The following MDGA2 variants were observed in gnomAD, a reference collection of about 807,000 sequenced individuals.
The protein encoded by MDGA2 is MAM domain-containing glycosylphosphatidylinositol anchor protein 2.
In MDGA2, 40 loss-of-function variants were observed where a neutral mutation model predicts 117.8. The observed-to-expected ratio is 0.34, with a 90% CI of 0.26 to 0.44. The LOEUF (loss-of-function observed/expected upper bound fraction) is 0.44. Ranked by LOEUF, MDGA2 falls within the 20% of genes least tolerant of loss-of-function variation. The probability of loss-of-function intolerance (pLI) is 1.00; values close to 1 mark genes in which losing one functional copy is unlikely to be tolerated. For synonymous variants in MDGA2, 452 were observed against 439.0 expected (o/e 1.03, Z -0.37); for missense variants, 1,123 against 1,250.6 (o/e 0.90, Z 1.54).
intron 2 of MDGA2, among the ~76,000 whole-genome samples, chr14:47,226,946 T>C (rs183172383): frequency 2.0e-3 from 309 of 152,298 alleles, no homozygotes; most frequent in African/African-American, 7.0e-3. Flanking sequence ...CTTCATTTAG[T>C]ATCTAGTTAA....
intron 3 of MDGA2, among the ~76,000 whole-genome samples, chr14:47,214,285 T>A (rs956158090): frequency 3.3e-5 from 5 of 152,218 alleles, no homozygotes; most frequent in Admixed American, 3.3e-4. Context: ...CAGAAATATT[T>A]GCATAAATAA....
At chr14:47,279,245 T>G (rs1383279271) in intron 2 of MDGA2, among the ~76,000 whole-genome samples, 7 of 152,172 alleles carry the variant, frequency 4.6e-5, no homozygotes, top group African/African-American at 1.7e-4. Flanking sequence ...ATAGAGTATA[T>G]TATCAATTAC....
chr14:46,968,972 T>A (rs948358560), intron 8 of MDGA2, among the ~76,000 whole-genome samples: 42 of 151,876 alleles, frequency 2.8e-4, no homozygotes, highest in African/African-American at 9.7e-4. Flanking sequence ...AAGAAAACAA[T>A]CCCACTTGCA....
intron 1 of MDGA2, among the ~76,000 whole-genome samples, chr14:47,599,205 G>A (rs776254257): frequency 6.6e-6 from 1 of 151,842 alleles, no homozygotes; most frequent in African/African-American, 2.4e-5. Context: ...TTGAGTCAAT[G>A]ATTTTAACTT....
At chr14:47,231,188 T>G (rs1886677018) in intron 2 of MDGA2, among the ~76,000 whole-genome samples, 1 of 152,052 alleles carries the variant, frequency 6.6e-6, no homozygotes, top group Non-Finnish European at 1.5e-5. Flanking sequence ...CCAACAAGCA[T>G]CTGTATTGAC....
intron 1 of MDGA2, among the ~76,000 whole-genome samples, chr14:47,584,861 G>A (rs1016923521): frequency 6.6e-6 from 1 of 151,624 alleles, no homozygotes; most frequent in African/African-American, 2.4e-5. Flanking sequence ...TTTGTTTCAT[G>A]GCTTCATACC....
In MDGA2 at chr14:47,338,582, A is replaced by C. The variant is rs542542644; in HGVS notation, c.281-37032T>G. Among the ~76,000 whole-genome samples, 11 of 152,182 alleles carry C rather than the reference A, an allele frequency of 7.2e-5. No homozygotes were observed. In the South Asian group the frequency reaches 2.3e-3, roughly 32 times the overall value. ...CCTAAATAAGCACTTCTAAGAAAAT[A>C]GTTGTTCAAGTAGGTTGGTGAAGAG... On this transcript the variant is annotated intron_variant, in intron 1 of 16. Transcript: ENST00000399232.
At chr14:47,147,443 G>A (rs1450849666) in intron 3 of MDGA2, among the ~76,000 whole-genome samples, 3 of 152,142 alleles carry the variant, frequency 2.0e-5, no homozygotes, top group Non-Finnish European at 4.4e-5. Context: ...AACTCTCTGA[G>A]CTGTGATATC....
At chr14:47,046,037 T>A (rs375230252) in intron 7 of MDGA2, among the ~76,000 whole-genome samples, 1,584 of 149,094 alleles carry the variant, frequency 0.011, 27 homozygotes, top group African/African-American at 0.035. Context: ...TAGCATTAGG[T>A]GATATACCTA....
chr14:46,960,448 G>C (rs1048309154), intron 8 of MDGA2: 5 of 151,794 alleles, frequency 3.3e-5, no homozygotes, highest in Non-Finnish European at 7.4e-5. Context: ...TTGTGGGCTG[G>C]GAAACCAAGA....
rs533423038 is a variant in MDGA2, at chr14:47,180,569, G to A, written c.596-36295C>T. Among the ~76,000 whole-genome samples the A allele has an allele frequency of 4.6e-5, 7 of 152,048 alleles. No individual in the cohort carries two copies. In the East Asian group the frequency reaches 5.8e-4, roughly 13 times the overall value. Reference sequence around the variant, plus strand: ...ACATACATGCAGCCAGAAAGCACACGAAAAAAAGCTCAACATCACTGATCA... The same window carrying A: ...ACATACATGCAGCCAGAAAGCACACAAAAAAAAGCTCAACATCACTGATCA... On this transcript the variant is annotated intron_variant, in intron 3 of 16. Coordinates refer to ENST00000399232, the MANE Select transcript of MDGA2 (RefSeq NM_001113498.3).
chr14:47,519,290 T>C (rs1427213813), intron 1 of MDGA2, among the ~76,000 whole-genome samples: 1 of 152,228 alleles, frequency 6.6e-6, no homozygotes, highest in Non-Finnish European at 1.5e-5. Flanking sequence ...ATCTATTTTA[T>C]ATTTCATGCA....
At chr14:46,853,561 C>T (rs1566491542) in intron 15 of MDGA2, among the ~76,000 whole-genome samples, 4 of 151,420 alleles carry the variant, frequency 2.6e-5, no homozygotes, top group African/African-American at 7.3e-5. Flanking sequence ...AGGCTATCCA[C>T]AGATTTATTC....
chr14:47,450,539 A>C (rs938018647), intron 1 of MDGA2, among the ~76,000 whole-genome samples: 6 of 152,156 alleles, frequency 3.9e-5, no homozygotes, highest in African/African-American at 1.4e-4. Context: ...GATAAAATTT[A>C]AAAATCTCAA....
intron 1 of MDGA2, among the ~76,000 whole-genome samples, chr14:47,552,677 G>GA (rs1308544028): frequency 2.6e-5 from 4 of 151,854 alleles, no homozygotes; most frequent in Non-Finnish European, 5.9e-5. Context: ...AAATGTAAGA[G>GA]AAAAAGTCAG....
intron 8 of MDGA2, among the ~76,000 whole-genome samples, chr14:46,991,324 T>C (rs1467549562): frequency 6.6e-6 from 1 of 152,126 alleles, no homozygotes; most frequent in Non-Finnish European, 1.5e-5. Flanking sequence ...AGAAAAGAAA[T>C]ATTATGCTCA....
At chr14:47,522,232 C>T (rs1894882330) in intron 1 of MDGA2, among the ~76,000 whole-genome samples, 1 of 151,760 alleles carries the variant, frequency 6.6e-6, no homozygotes, top group Admixed American at 6.6e-5. Context: ...TGCAAGTTAA[C>T]ATGTGAAATA....
chr14:47,096,713 CCATT>C (rs1159679471), intron 6 of MDGA2, 137 bp downstream of exon 6: 2 of 838,872 alleles, frequency 2.4e-6, no homozygotes, highest in African/African-American at 3.5e-5. Flanking sequence ...TAATTACCCA[CCATT>C]ATTATTTATA....
At chr14:47,036,483 C>A (rs1888861256) in intron 7 of MDGA2, among the ~76,000 whole-genome samples, 1 of 152,078 alleles carries the variant, frequency 6.6e-6, no homozygotes, top group Non-Finnish European at 1.5e-5. Flanking sequence ...ACTAGTTCCA[C>A]TGGAAGATTC....
Sources: allele counts gnomAD v4.1 joint callset (sites outside exome capture counted in the v4.1 genomes callset), GRCh38; gene constraint gnomAD v4.1.1; transcripts MANE v1.5; gene names NCBI Gene and HGNC (gene_info 2026-07-23, HGNC 2026-07-21).